The following LASP1 variants were observed in gnomAD, a reference collection of about 807,000 sequenced individuals.
LASP1 encodes the protein LIM and SH3 protein 1.
In LASP1, 10 loss-of-function variants were observed where a neutral mutation model predicts 38.6. That is an observed-to-expected ratio of 0.26 (90% CI 0.16 to 0.44). The LOEUF is 0.44. LASP1 is among the 20% of genes least tolerant of loss of function. The pLI, the probability that LASP1 is intolerant of heterozygous loss-of-function variation, is 1.00. For synonymous variants in LASP1, 132 were observed against 140.8 expected (o/e 0.94, Z 0.44); for missense variants, 243 against 375.7 (o/e 0.65, Z 2.92).
intron 1 of LASP1, among the ~76,000 whole-genome samples, chr17:38,870,990 G>C (rs948776378): frequency 3.9e-5 from 6 of 152,208 alleles, no homozygotes; most frequent in East Asian, 3.9e-4. Context: ...TGGCAGAGTA[G>C]GGTGGGTGGA....
In LASP1 at chr17:38,919,826, C is replaced by T; in HGVS notation, c.*1048C>T. On this transcript the variant is annotated 3_prime_UTR_variant, in exon 7 of 7. Transcript: ENST00000318008. ...CACTAAATCTCCAAGACCTGGTGTG[C>T]GGAGGCAGGAGCATGTATGTCTGCA... 1.1e-5 allele frequency: 5 copies of T among 445,618 alleles called. No homozygotes were observed. Among genetic ancestry groups the T allele is most frequent in the South Asian group, 7.8e-5 (4 of 51,212 alleles). 27.6% of individuals were successfully genotyped at this position (445,618 alleles called of 1,614,324 possible).
chr17:38,882,481 C>T (rs746308971), intron 2 of LASP1, among the ~76,000 whole-genome samples: 19 of 152,140 alleles, frequency 1.2e-4, no homozygotes, highest in Non-Finnish European at 2.5e-4. Flanking sequence ...CTCTTGACCT[C>T]AGGTGATCCA....
intron 4 of LASP1, among the ~76,000 whole-genome samples, chr17:38,909,686 A>G (rs1443893659): frequency 6.6e-6 from 1 of 151,682 alleles, no homozygotes; most frequent in Non-Finnish European, 1.5e-5. Context: ...GCATGTTCCT[A>G]CAGGAAGAAA....
At position 38,918,056 on chromosome 17, in the gene LASP1, C is replaced by T. The variant is rs146968367; in HGVS notation, c.613-549C>T. Among the ~76,000 whole-genome samples, 5,071 of 151,148 alleles carry T rather than the reference C, an allele frequency of 0.034. 277 individuals carry two copies. The highest frequency in any genetic ancestry group is 0.12 in the African/African-American group (4,756 of 41,080). On this transcript the variant is annotated intron_variant, in intron 6 of 6. Transcript: ENST00000318008. The surrounding 1 kb of genome is among the most constrained non-coding windows in gnomAD (Gnocchi z 4.4). ...TTGGGAGGCTGAGGCAGGAGAATCGCTTGAACCCGGGAGGCGGATGTTGCA... is the reference window on the plus strand; with the variant it reads ...TTGGGAGGCTGAGGCAGGAGAATCGTTTGAACCCGGGAGGCGGATGTTGCA...
chr17:38,913,604 A>G (rs1362773090), intron 4 of LASP1, among the ~76,000 whole-genome samples: 1 of 152,206 alleles, frequency 6.6e-6, no homozygotes, highest in Non-Finnish European at 1.5e-5. Context: ...TAAAACACCT[A>G]GCACGGCCCT....
At chr17:38,901,264 G>A (rs8067033) in intron 4 of LASP1, among the ~76,000 whole-genome samples, 64,759 of 152,008 alleles carry the variant, frequency 0.43, 14,175 homozygotes, top group Middle Eastern at 0.55. Context: ...CCCAGTTAGA[G>A]GTGTTAATAT....
intron 3 of LASP1, among the ~76,000 whole-genome samples, chr17:38,895,220 G>A (rs192589127): frequency 9.2e-5 from 14 of 151,468 alleles, no homozygotes; most frequent in Admixed American, 3.9e-4. Context: ...TATGTTCCCA[G>A]GCTGGTCTCG....
chr17:38,875,951 C>T (rs1263972328), intron 1 of LASP1, among the ~76,000 whole-genome samples: 2 of 152,082 alleles, frequency 1.3e-5, no homozygotes, highest in Non-Finnish European at 2.9e-5. Context: ...CCCTTGACTA[C>T]TGGGAAATGG....
intron 3 of LASP1, among the ~76,000 whole-genome samples, chr17:38,896,476 A>C (rs929077760): frequency 6.6e-6 from 1 of 152,020 alleles, no homozygotes; most frequent in Non-Finnish European, 1.5e-5. Flanking sequence ...CCCAACAGGG[A>C]GGGGGAGGCA....
chr17:38,920,849 T>C lies in LASP1; in HGVS notation c.*2071T>C. 4.3e-6 allele frequency: 1 copy of C among 232,576 alleles called. No individual in the cohort carries two copies. Among genetic ancestry groups the C allele is most frequent in the Non-Finnish European group, 8.5e-6 (1 of 117,406 alleles). 14.4% of individuals were successfully genotyped at this position (232,576 alleles called of 1,614,324 possible). Reference sequence around the variant, plus strand: ...TGGCGCTGGTGCATTCTGTTTCCTCTTGATCTCAAAGCACAATGTGGATTT... The same window carrying C: ...TGGCGCTGGTGCATTCTGTTTCCTCCTGATCTCAAAGCACAATGTGGATTT... On this transcript the variant is annotated 3_prime_UTR_variant, in exon 7 of 7. Coordinates refer to ENST00000318008, the MANE Select transcript of LASP1 (RefSeq NM_006148.4).
At chr17:38,875,404 T>G (rs1913741221) in intron 1 of LASP1, among the ~76,000 whole-genome samples, 1 of 151,854 alleles carries the variant, frequency 6.6e-6, no homozygotes, top group Non-Finnish European at 1.5e-5. Flanking sequence ...CAGTCTGTCT[T>G]AGTGTCCCGG....
At chr17:38,893,049 C>G (rs1023627007) in intron 3 of LASP1, among the ~76,000 whole-genome samples, 3 of 152,218 alleles carry the variant, frequency 2.0e-5, no homozygotes, top group Non-Finnish European at 4.4e-5. Context: ...GTATGCCTGA[C>G]TTTGTTTAAT....
At chr17:38,910,527 T>C (rs1914907776) in intron 4 of LASP1, among the ~76,000 whole-genome samples, 1 of 152,100 alleles carries the variant, frequency 6.6e-6, no homozygotes, top group Admixed American at 6.6e-5. Context: ...GGGCTGGATT[T>C]GGTCCATGGA....
chr17:38,920,279 C>T lies in LASP1; in HGVS notation c.*1501C>T, dbSNP rs1915263663. The T allele has an allele frequency of 4.8e-6, 2 of 416,552 alleles. No individual in the cohort carries two copies. The highest frequency in any genetic ancestry group is 4.1e-5 in the East Asian group (1 of 24,604). 25.8% of individuals were successfully genotyped at this position (416,552 alleles called of 1,614,324 possible). A position where few individuals can be genotyped will look rare whatever the true frequency, so the allele number is the denominator to read the frequency against. ...GAAGTGTCACCCTGTGGGTGTCTCC[C>T]TCGGGGGCTCTTCCCCTAGACCTCC... On this transcript the variant is annotated 3_prime_UTR_variant, in exon 7 of 7. Transcript: ENST00000318008.
chr17:38,875,773 G>T (rs1913750480), intron 1 of LASP1, among the ~76,000 whole-genome samples: 1 of 152,176 alleles, frequency 6.6e-6, no homozygotes, highest in Non-Finnish European at 1.5e-5. Context: ...TCCTCCCAGT[G>T]TCTCAGAAGC....
At position 38,898,863 on chromosome 17, in the gene LASP1, G is replaced by T. The variant is rs775351037; in HGVS notation, c.357+344G>T. ...TCATCTTAGCACAAAGGTCAAAACTGGGGGGCGGGGAGCACCTGGCCTCCC... is the reference window on the plus strand; with the variant it reads ...TCATCTTAGCACAAAGGTCAAAACTTGGGGGCGGGGAGCACCTGGCCTCCC... On this transcript the variant is annotated intron_variant, in intron 4 of 6. Transcript: ENST00000318008. 8 of 415,234 alleles carry T rather than the reference G, an allele frequency of 1.9e-5. No individual in the cohort carries two copies. In the Middle Eastern group the frequency reaches 1.4e-3, roughly 73 times the overall value. The allele number at this position is 415,234 out of a possible 1,614,324, so 25.7% of individuals were successfully genotyped here.
In LASP1 at chr17:38,870,066, C is replaced by T. The variant is rs1013519348; in HGVS notation, c.-124C>T. The T allele has an allele frequency of 7.7e-5, 80 of 1,042,034 alleles. No individual in the cohort carries two copies. The East Asian group carries it at 1.8e-3, about 24-fold the overall frequency. The allele number at this position is 1,042,034 out of a possible 1,614,324, so 64.5% of individuals were successfully genotyped here. Reference sequence around the variant, plus strand: ...GGAGGGCGGAGGCGGAGGCCAGTTCCCCAGCTCCAGCCGCCGTCGCTGCTG... The same window carrying T: ...GGAGGGCGGAGGCGGAGGCCAGTTCTCCAGCTCCAGCCGCCGTCGCTGCTG... On this transcript the variant is annotated 5_prime_UTR_variant, in exon 1 of 7. Coordinates refer to ENST00000318008, the MANE Select transcript of LASP1 (RefSeq NM_006148.4).
At chr17:38,914,184 C>T in intron 4 of LASP1, 141 bp from the exon 5 acceptor site, 1 of 965,916 alleles carries the variant, frequency 1.0e-6, no homozygotes, top group Non-Finnish European at 1.6e-6. Context: ...GGACACACAG[C>T]TGGTGCTTCC....
chr17:38,907,426 C>T (rs371581552), intron 4 of LASP1, among the ~76,000 whole-genome samples: 3 of 152,170 alleles, frequency 2.0e-5, no homozygotes, highest in East Asian at 3.9e-4. Flanking sequence ...CACCTGTTCT[C>T]AGGAAAGGGC....
Sources: allele counts gnomAD v4.1 joint callset (sites outside exome capture counted in the v4.1 genomes callset), GRCh38; gene constraint gnomAD v4.1.1; non-coding constraint Gnocchi (gnomAD v3.1); transcripts MANE v1.5; gene names NCBI Gene and HGNC (gene_info 2026-07-23, HGNC 2026-07-21).